Variants in DNAJC5 observed in about 807,000 individuals in gnomAD.
The protein encoded by DNAJC5 is dnaJ homolog subfamily C member 5.
Under a neutral mutation model 23.2 loss-of-function variants are expected in DNAJC5, and 1 was observed. The ratio of observed to expected loss-of-function variants is 0.04; its 90% CI spans 0.02 to 0.20. DNAJC5 has a LOEUF of 0.20. DNAJC5 is among the 10% of genes least tolerant of loss of function. The pLI is 1.00. For synonymous variants in DNAJC5, 136 were observed against 120.0 expected (o/e 1.13, Z -0.87); for missense variants, 180 against 267.0 (o/e 0.67, Z 2.27).
Position 63,928,262 on chromosome 20 carries a change from TA to T in DNAJC5, c.-11-70del. Reference sequence around the variant, plus strand: ...TTTTGCTTTGAACGGTCTTATGGAATAAAGTCCATCAGCTCTGCCCTTGGTA... The same window carrying T: ...TTTTGCTTTGAACGGTCTTATGGAATAAGTCCATCAGCTCTGCCCTTGGTA... On this transcript the variant is annotated intron_variant, in intron 1 of 4. Transcript: ENST00000360864. The surrounding 1 kb of genome is among the most constrained non-coding windows in gnomAD (Gnocchi z 4.6). 1 of 1,248,492 alleles carries T rather than the reference TA, an allele frequency of 8.0e-7. No homozygotes were observed. The highest frequency in any genetic ancestry group is 1.2e-6 in the Non-Finnish European group (1 of 862,222). The allele number at this position is 1,248,492 out of a possible 1,614,324, so 77.3% of individuals were successfully genotyped here.
intron 1 of DNAJC5, among the ~76,000 whole-genome samples, chr20:63,925,631 T>C (rs941447812): frequency 1.3e-5 from 2 of 151,770 alleles, no homozygotes; most frequent in African/African-American, 4.8e-5. Context: ...TTAAACTGTC[T>C]TTGGCTTGGA....
chr20:63,924,364 G>A (rs527287230), intron 1 of DNAJC5, among the ~76,000 whole-genome samples: 1 of 152,226 alleles, frequency 6.6e-6, no homozygotes, highest in East Asian at 1.9e-4. Flanking sequence ...GGTTTTCAAC[G>A]TACAGATTTC....
At chr20:63,903,486 T>C (rs1161971560) in intron 1 of DNAJC5, among the ~76,000 whole-genome samples, 1 of 152,088 alleles carries the variant, frequency 6.6e-6, no homozygotes, top group African/African-American at 2.4e-5. Flanking sequence ...TTTTGTATTT[T>C]TTAGTAGAGA....
At position 63,932,617 on chromosome 20, in the gene DNAJC5, C is replaced by G. The variant is rs1327832075; in HGVS notation, c.*1049C>G. On this transcript the variant is annotated 3_prime_UTR_variant, in exon 5 of 5. Transcript: ENST00000360864. The surrounding 1 kb of genome is among the most constrained non-coding windows in gnomAD (Gnocchi z 4.4). Reference sequence around the variant, plus strand: ...ACCCCTCCTCCTGTGTTTGCCAGAGCTCCCATCTGCCCCACTCGCCTTTGC... The same window carrying G: ...ACCCCTCCTCCTGTGTTTGCCAGAGGTCCCATCTGCCCCACTCGCCTTTGC... The G allele has an allele frequency of 1.3e-5, 2 of 152,602 alleles. No homozygotes were observed. Among genetic ancestry groups the G allele is most frequent in the Admixed American group, 6.5e-5 (1 of 15,294 alleles). 9.5% of individuals were successfully genotyped at this position (152,602 alleles called of 1,614,324 possible).
rs746279787 is a variant in DNAJC5 at position 63,930,871 on chromosome 20, C to T, written c.342C>T (p.Gly114=). 6.2e-7 allele frequency: 1 copy of T among 1,613,382 alleles called. No homozygotes were observed. The highest frequency in any genetic ancestry group is 8.5e-7 in the Non-Finnish European group (1 of 1,179,974). The part of the protein sequence containing the change: ...WWAKALFVFC[G]LLTCCYCCCC... ...CCCAGGCCCTGTTTGTCTTCTGCGG[C>T]CTCCTCACGTGCTGCTACTGCTGCT... Residue 114 remains glycine (G), a synonymous_variant, in exon 4 of 5, where the codon GGC becomes GGT. Coordinates refer to ENST00000360864, the MANE Select transcript of DNAJC5 (RefSeq NM_025219.3).
chr20:63,897,390 A>G (rs1471128959), intron 1 of DNAJC5, among the ~76,000 whole-genome samples: 2 of 151,706 alleles, frequency 1.3e-5, no homozygotes, highest in Non-Finnish European at 2.9e-5. Context: ...GCAAAACTCC[A>G]TCTTATAAAA....
chr20:63,931,171 G>A lies in DNAJC5; in HGVS notation c.493+149G>A, dbSNP rs1416386459. The A allele has an allele frequency of 6.5e-6, 6 of 922,252 alleles. No individual in the cohort carries two copies. Among genetic ancestry groups the A allele is most frequent in the Admixed American group, 2.0e-5 (1 of 50,268 alleles). 57.1% of individuals were successfully genotyped at this position (922,252 alleles called of 1,614,324 possible). A position where few individuals can be genotyped will look rare whatever the true frequency, so the allele number is the denominator to read the frequency against. Reference sequence around the variant, plus strand: ...CAGCTGGGACTGTTGAGGTGTGAACGTGGACCCTGAGGTAAAGCAGGCGCA... The same window carrying A: ...CAGCTGGGACTGTTGAGGTGTGAACATGGACCCTGAGGTAAAGCAGGCGCA... On this transcript the variant is annotated intron_variant, in intron 4 of 4. Coordinates refer to ENST00000360864, the MANE Select transcript of DNAJC5 (RefSeq NM_025219.3). This position sits in a 1 kb window ranked among gnomAD's most constrained non-coding sequence, Gnocchi z 9.6.
In DNAJC5 at chr20:63,906,785, C is replaced by CA. The variant is rs543357067; in HGVS notation, c.-12+11470dup. Among the ~76,000 whole-genome samples, 387 of 151,504 alleles carry CA rather than the reference C, an allele frequency of 2.6e-3. 2 individuals carry two copies. The highest frequency in any genetic ancestry group is 8.9e-3 in the African/African-American group (369 of 41,242). Reference sequence around the variant, plus strand: ...TGGGTGAGTGATCGAGACTCTGTCTCAAAAAAAATTAATTAATTAATTAAA... The same window carrying CA: ...TGGGTGAGTGATCGAGACTCTGTCTCAAAAAAAAATTAATTAATTAATTAAA... On this transcript the variant is annotated intron_variant, in intron 1 of 4. Transcript: ENST00000360864.
intron 1 of DNAJC5, among the ~76,000 whole-genome samples, chr20:63,905,568 ATTT>A (rs543822378): frequency 4.6e-5 from 6 of 130,086 alleles, no homozygotes; most frequent in Non-Finnish European, 8.2e-5. Context: ...CACATGGCAG[ATTT>A]TTTTTTTTTT....
At chr20:63,900,648 A>G (rs1184889074) in intron 1 of DNAJC5, among the ~76,000 whole-genome samples, 3 of 151,496 alleles carry the variant, frequency 2.0e-5, no homozygotes, top group Admixed American at 6.6e-5. Context: ...AGACCTGCAT[A>G]TGCCACAATT....
chr20:63,932,963 C>CT lies in DNAJC5; in HGVS notation c.*1396dup, dbSNP rs1224807693. ...GCATAGGGGAGCAGGGGGAACGGGTCTGATGTCCCTGTGCTGGCTGAGGGC... is the reference window on the plus strand; with the variant it reads ...GCATAGGGGAGCAGGGGGAACGGGTCTTGATGTCCCTGTGCTGGCTGAGGGC... On this transcript the variant is annotated 3_prime_UTR_variant, in exon 5 of 5. Transcript: ENST00000360864. The surrounding 1 kb of genome is among the most constrained non-coding windows in gnomAD (Gnocchi z 4.4). 2 of 152,506 alleles carry CT rather than the reference C, an allele frequency of 1.3e-5. No individual in the cohort carries two copies. Among genetic ancestry groups the CT allele is most frequent in the Non-Finnish European group, 2.9e-5 (2 of 68,178 alleles). The allele number at this position is 152,506 out of a possible 1,614,324, so 9.4% of individuals were successfully genotyped here. A position where few individuals can be genotyped will look rare whatever the true frequency, so the allele number is the denominator to read the frequency against.
Position 63,931,012 on chromosome 20 carries a change from T to C in DNAJC5, c.483T>C (p.Ser161=). ...AGGATCTGGAGGCACAGCTGCAGTCTGACGAGAGGGGTGAGTGCCCGCCCC... is the reference window on the plus strand; with the variant it reads ...AGGATCTGGAGGCACAGCTGCAGTCCGACGAGAGGGGTGAGTGCCCGCCCC... The part of the protein sequence containing the change: ...SPEDLEAQLQ[S]DEREATDTPI... Residue 161 remains serine (S), a synonymous_variant, in exon 4 of 5, where the codon TCT becomes TCC. Transcript: ENST00000360864. The surrounding 1 kb of genome is among the most constrained non-coding windows in gnomAD (Gnocchi z 9.6). 1 of 1,613,946 alleles carries C rather than the reference T, an allele frequency of 6.2e-7. No individual in the cohort carries two copies. The highest frequency in any genetic ancestry group is 8.5e-7 in the Non-Finnish European group (1 of 1,179,982).
At chr20:63,921,977 C>A (rs1233353797) in intron 1 of DNAJC5, among the ~76,000 whole-genome samples, 1 of 152,050 alleles carries the variant, frequency 6.6e-6, no homozygotes, top group African/African-American at 2.4e-5. Flanking sequence ...TGAGGTTTCA[C>A]CACGTTGGCC....
At position 63,928,893 on chromosome 20, in the gene DNAJC5, A is replaced by T. The variant is rs146425269; in HGVS notation, c.108-419A>T. On this transcript the variant is annotated intron_variant, in intron 2 of 4. Coordinates refer to ENST00000360864, the MANE Select transcript of DNAJC5 (RefSeq NM_025219.3). The surrounding 1 kb of genome is among the most constrained non-coding windows in gnomAD (Gnocchi z 4.6). Reference sequence around the variant, plus strand: ...TAACCTGTAAGAGACACCATCACTAATCCAGACAATTCAGATAGTCCTCCT... The same window carrying T: ...TAACCTGTAAGAGACACCATCACTATTCCAGACAATTCAGATAGTCCTCCT... 6.6e-6 allele frequency among the ~76,000 whole-genome samples: 1 copy of T among 152,328 alleles called. No individual in the cohort carries two copies. Among genetic ancestry groups the T allele is most frequent in the Non-Finnish European group, 1.5e-5 (1 of 68,028 alleles).
chr20:63,904,989 A>G (rs1474789990), intron 1 of DNAJC5, among the ~76,000 whole-genome samples: 1 of 151,548 alleles, frequency 6.6e-6, no homozygotes, highest in African/African-American at 2.4e-5. Flanking sequence ...TTTTTAGTCT[A>G]GACGGGGGTT....
chr20:63,911,848 A>T (rs2045486281), intron 1 of DNAJC5, among the ~76,000 whole-genome samples: 1 of 144,794 alleles, frequency 6.9e-6, no homozygotes, highest in South Asian at 2.2e-4. Context: ...GAGTTTTTGT[A>T]TTTTTTTTTT....
chr20:63,930,541 G>A (rs2053660048), intron 3 of DNAJC5, among the ~76,000 whole-genome samples: 1 of 152,198 alleles, frequency 6.6e-6, no homozygotes, highest in Non-Finnish European at 1.5e-5. Flanking sequence ...TAGAGACAGG[G>A]TTTCACCGTG....
At chr20:63,910,019 G>C (rs1439024447) in intron 1 of DNAJC5, among the ~76,000 whole-genome samples, 1 of 152,206 alleles carries the variant, frequency 6.6e-6, no homozygotes, top group African/African-American at 2.4e-5. Flanking sequence ...TGCTTTAGGA[G>C]CTTTCTTCTC....
intron 1 of DNAJC5, among the ~76,000 whole-genome samples, chr20:63,925,642 G>A (rs780460717): frequency 9.2e-5 from 14 of 151,592 alleles, no homozygotes; most frequent in Non-Finnish European, 1.3e-4. Flanking sequence ...TTGGCTTGGA[G>A]GTGGGTTTCA....
Sources: allele counts gnomAD v4.1 joint callset (sites outside exome capture counted in the v4.1 genomes callset), GRCh38; gene constraint gnomAD v4.1.1; non-coding constraint Gnocchi (gnomAD v3.1); transcripts MANE v1.5; gene names NCBI Gene and HGNC (gene_info 2026-07-23, HGNC 2026-07-21).